The following ADAMTS8 variants were observed in gnomAD, a reference collection of about 807,000 sequenced individuals.
ADAMTS8 encodes A disintegrin and metalloproteinase with thrombospondin motifs 8.
In ADAMTS8, 50 loss-of-function variants were observed where a neutral mutation model predicts 64.4. That is an observed-to-expected ratio of 0.78 (90% CI 0.62 to 0.98). ADAMTS8 has a LOEUF of 0.98. ADAMTS8 is among the 50% of genes least tolerant of loss of function. ADAMTS8 has a pLI of 0.00. For synonymous variants in ADAMTS8, 556 were observed against 533.6 expected (o/e 1.04, Z -0.58); for missense variants, 1,192 against 1,208.2 (o/e 0.99, Z 0.20).
chr11:130,414,589 G>C lies in ADAMTS8; in HGVS notation c.1508C>G (p.Pro503Arg). 6.2e-7 allele frequency: 1 copy of C among 1,613,174 alleles called. No individual in the cohort carries two copies. Among genetic ancestry groups the C allele is most frequent in the Non-Finnish European group, 8.5e-7 (1 of 1,179,814 alleles). The change falls in exon 5 of 9, where the codon CCT becomes CGT. Residue 503 changes from proline to arginine, a missense_variant. Physicochemically the swap from Pro to Arg is moderately radical, Grantham distance 103. Coordinates refer to ENST00000257359, the MANE Select transcript of ADAMTS8 (RefSeq NM_007037.6). ...LPWADGTPCG[P>R]GHLCSEGSCL... is the part of the protein sequence containing the mutation. ...GCTGCCTTCTGAGCAGAGGTGCCCA[G>C]GCCCGCACGGCGTGCCGTCAGCCCA... is the stretch of plus-strand genomic sequence containing the variant.
chr11:130,418,267 ATC>A (rs1862053894), intron 2 of ADAMTS8, among the ~76,000 whole-genome samples: 1 of 141,728 alleles, frequency 7.1e-6, no homozygotes, highest in Non-Finnish European at 1.5e-5. Flanking sequence ...AGATCGGGAA[ATC>A]TCTGTCTGTC....
intron 6 of ADAMTS8, among the ~76,000 whole-genome samples, chr11:130,410,965 C>T (rs1305320629): frequency 6.6e-6 from 1 of 152,126 alleles, no homozygotes; most frequent in African/African-American, 2.4e-5. Context: ...GCTAGAAAGA[C>T]CTTGGAGGTT....
At chr11:130,414,460 G>A in intron 5 of ADAMTS8, 71 bp downstream of exon 5, 1 of 1,502,440 alleles carries the variant, frequency 6.7e-7, no homozygotes, top group Non-Finnish European at 8.9e-7. Flanking sequence ...CTGGAGAACA[G>A]CCCTCAGTCC....
rs1862036340 is a variant in ADAMTS8 at position 130,417,064 on chromosome 11, C to T, written c.972G>A (p.Gly324=). ...CCAGGGTGTCACACAGCCCCTCCTG[C>T]CCACAGAAGTTCTGCGTGGCGGGGA... ...AILLTRQNFC[G]QEGLCDTLGV... is the part of the protein sequence containing the mutation. The change falls in exon 3 of 9, where the codon GGG becomes GGA. Residue 324 remains glycine, a synonymous_variant. Coordinates refer to ENST00000257359, the MANE Select transcript of ADAMTS8 (RefSeq NM_007037.6). The T allele has an allele frequency of 6.2e-7, 1 of 1,613,774 alleles. No homozygotes were observed. The highest frequency in any genetic ancestry group is 1.3e-5 in the African/African-American group (1 of 74,880).
rs111717149 is a variant in ADAMTS8, at chr11:130,412,870, C to A, written c.1567-1270G>T. ...TCTTTCTACCTCTCTTTCTCTCTTT[C>A]TTTCTCACTTTCTTTCTTTCTTGAA... On this transcript the variant is annotated intron_variant, in intron 5 of 8. Transcript: ENST00000257359. Among the ~76,000 whole-genome samples the A allele has an allele frequency of 3.9e-5, 6 of 152,092 alleles. 1 individual carries two copies. Among genetic ancestry groups the A allele is most frequent in the African/African-American group, 1.4e-4 (6 of 41,490 alleles).
rs778562864 is a variant in ADAMTS8 at position 130,428,063 on chromosome 11, A to G, written c.224T>C (p.Leu75Pro). ...GCGCTCGATCTTGAACTCGGGCGCT[A>G]GGAAGCTGTCGTCGGGCGCCAGGCG... ...VLRLAPDDSF[L>P]APEFKIERLG... The change falls in exon 1 of 9, where the codon CTA becomes CCA. Residue 75 changes from leucine (L) to proline (P), a missense_variant. This residue lies in a region of ADAMTS8 where 741 missense variants were observed against 710.6 expected (regional missense o/e 1.04). Coordinates refer to ENST00000257359, the MANE Select transcript of ADAMTS8 (RefSeq NM_007037.6). 2 of 1,534,914 alleles carry G rather than the reference A, an allele frequency of 1.3e-6. No individual in the cohort carries two copies. Among genetic ancestry groups the G allele is most frequent in the African/African-American group, 2.8e-5 (2 of 71,192 alleles).
rs551054916 is a variant in ADAMTS8, at chr11:130,424,851, C to A, written c.720+2716G>T. On this transcript the variant is annotated intron_variant, in intron 1 of 8. Transcript: ENST00000257359. The stretch of plus-strand genomic sequence containing the variant: ...GCTGTACCTCAGTCCCTCCCCCACC[C>A]GCCACGGTGGCAGCAGGAGCACAGG... Among the ~76,000 whole-genome samples, 3 of 152,224 alleles carry A rather than the reference C, an allele frequency of 2.0e-5. No homozygotes were observed. The South Asian group carries it at 6.2e-4, about 32-fold the overall frequency.
chr11:130,420,795 T>C (rs1862089420), intron 1 of ADAMTS8, among the ~76,000 whole-genome samples: 1 of 152,156 alleles, frequency 6.6e-6, no homozygotes. Context: ...TCAACAAGGC[T>C]GAAACTTGGC....
In ADAMTS8 at chr11:130,411,841, G is replaced by A; in HGVS notation, c.1567-241C>T. The A allele has an allele frequency of 1.9e-6, 1 of 527,142 alleles. No individual in the cohort carries two copies. The highest frequency in any genetic ancestry group is 3.4e-6 in the Non-Finnish European group (1 of 297,470). The allele number at this position is 527,142 out of a possible 1,614,324, so 32.7% of individuals were successfully genotyped here. A position where few individuals can be genotyped will look rare whatever the true frequency, so the allele number is the denominator to read the frequency against. The stretch of plus-strand genomic sequence containing the variant: ...CTCAGTGTCTAAAACAGTGCCTTAT[G>A]CTTAGTAAGGTGCTCAATAGGCTAT... On this transcript the variant is annotated intron_variant, in intron 5 of 8. Coordinates refer to ENST00000257359, the MANE Select transcript of ADAMTS8 (RefSeq NM_007037.6). The surrounding 1 kb of genome is among the most constrained non-coding windows in gnomAD (Gnocchi z 4.2).
chr11:130,405,589 T>A lies in ADAMTS8; in HGVS notation c.2639A>T (p.Lys880Met), dbSNP rs1409082308. Residue 880 changes from lysine to methionine, a missense_variant, in exon 9 of 9, where the codon AAG becomes ATG. By Grantham distance (95) the Lys-to-Met change is moderately conservative. Coordinates refer to ENST00000257359, the MANE Select transcript of ADAMTS8 (RefSeq NM_007037.6). ...CNKALKPEDA[K>M]PCESQLCPL ...GGGGCACAGCTGGCTTTCGCAGGGC[T>A]TGGCATCCTCGGGTTTCAGAGCCTT... The A allele has an allele frequency of 6.2e-7, 1 of 1,609,410 alleles. No homozygotes were observed. The highest frequency in any genetic ancestry group is 8.5e-7 in the Non-Finnish European group (1 of 1,176,548).
Position 130,416,246 on chromosome 11 carries a change from G to A in ADAMTS8, c.1181C>T (p.Pro394Leu), listed in dbSNP as rs748679085. The A allele has an allele frequency of 3.1e-6, 5 of 1,588,110 alleles. No homozygotes were observed. The highest frequency in any genetic ancestry group is 3.6e-5 in the Admixed American group (2 of 56,148). ...CGTCTGGTTCAGGTGGACGAACAGCGGTGCCATCACGTGGTGCTTGCCCAT... is the reference window on the plus strand; with the variant it reads ...CGTCTGGTTCAGGTGGACGAACAGCAGTGCCATCACGTGGTGCTTGCCCAT... ...GPMGKHHVMA[P>L]LFVHLNQTLP... is the part of the protein sequence containing the mutation. The change falls in exon 4 of 9, where the codon CCG becomes CTG. Residue 394 changes from proline to leucine, a missense_variant. By Grantham distance (98) the Pro-to-Leu change is moderately conservative. Around this residue, in one of 5 missense-constraint regions of ADAMTS8, gnomAD observed 741 missense variants for 710.6 expected, o/e 1.04. Coordinates refer to ENST00000257359, the MANE Select transcript of ADAMTS8 (RefSeq NM_007037.6). This position sits in a 1 kb window ranked among gnomAD's most constrained non-coding sequence, Gnocchi z 4.8.
rs917335075 is a variant in ADAMTS8, at chr11:130,411,785, AGAC to A, written c.1567-188_1567-186del. 13 of 648,796 alleles carry A rather than the reference AGAC, an allele frequency of 2.0e-5. No individual in the cohort carries two copies. The Admixed American group carries it at 3.8e-4, about 19-fold the overall frequency. 40.2% of individuals were successfully genotyped at this position (648,796 alleles called of 1,614,324 possible). A position where few individuals can be genotyped will look rare whatever the true frequency, so the allele number is the denominator to read the frequency against. On this transcript the variant is annotated intron_variant, in intron 5 of 8. Coordinates refer to ENST00000257359, the MANE Select transcript of ADAMTS8 (RefSeq NM_007037.6). The surrounding 1 kb of genome is among the most constrained non-coding windows in gnomAD (Gnocchi z 4.2). ...GGCCTGCATGGCTTTGTGAGCACAG[AGAC>A]CAGGCTGGACTCATTCACTACTGAC...
chr11:130,417,148 G>A (rs1374840777), intron 2 of ADAMTS8, 73 bp from the exon 3 acceptor site: 10 of 1,591,934 alleles, frequency 6.3e-6, no homozygotes, highest in Middle Eastern at 2.0e-4. Flanking sequence ...GCAGGGCCGG[G>A]TGTGGCCAGC....
In ADAMTS8 at chr11:130,416,035, C is replaced by T. The variant is rs527484142; in HGVS notation, c.1264+128G>A. On this transcript the variant is annotated intron_variant, in intron 4 of 8. Transcript: ENST00000257359. This position sits in a 1 kb window ranked among gnomAD's most constrained non-coding sequence, Gnocchi z 4.8. ...TTCGGGGGTGGTGTGAATGCCCCAG[C>T]GTGGGAGGCTGGCCGGGGACTCAGC... 32 of 1,145,262 alleles carry T rather than the reference C, an allele frequency of 2.8e-5. No individual in the cohort carries two copies. The highest frequency in any genetic ancestry group is 1.0e-4 in the South Asian group (6 of 58,754). The allele number at this position is 1,145,262 out of a possible 1,614,324, so 70.9% of individuals were successfully genotyped here. A position where few individuals can be genotyped will look rare whatever the true frequency, so the allele number is the denominator to read the frequency against.
In ADAMTS8 at chr11:130,405,813, G is replaced by A. The variant is rs1267983691; in HGVS notation, c.2415C>T (p.Thr805=). ...GEVFPPKVKY[T]FFVPNDVDFS... Reference sequence around the variant, plus strand: ...AGTCCACGTCATTAGGAACAAAGAAGGTGTATTTGACTTTTGGGGGGAAGA... The same window carrying A: ...AGTCCACGTCATTAGGAACAAAGAAAGTGTATTTGACTTTTGGGGGGAAGA... Residue 805 remains threonine (T), a synonymous_variant, in exon 9 of 9, where the codon ACC becomes ACT. Coordinates refer to ENST00000257359, the MANE Select transcript of ADAMTS8 (RefSeq NM_007037.6). 1 of 1,614,048 alleles carries A rather than the reference G, an allele frequency of 6.2e-7. No homozygotes were observed. Among genetic ancestry groups the A allele is most frequent in the Admixed American group, 1.7e-5 (1 of 60,036 alleles).
chr11:130,414,708 G>T lies in ADAMTS8; in HGVS notation c.1389C>A (p.Cys463Ter). 1 of 1,613,868 alleles carries T rather than the reference G, an allele frequency of 6.2e-7. No homozygotes were observed. The highest frequency in any genetic ancestry group is 1.1e-5 in the South Asian group (1 of 91,086). The stretch of plus-strand genomic sequence containing the variant: ...AGACGTCCTGAGCAGAGGTGTTGGG[G>T]CAGTGGCGGAAATCCGGCCCAAAGA... The part of the protein sequence containing the change: ...RQIFGPDFRH[C>*]PNTSAQDVCA... The change falls in exon 5 of 9, where the codon TGC (cysteine) becomes TGA (stop). Residue 463 changes from cysteine (C) to a stop codon, truncating the protein, a stop_gained. Transcript: ENST00000257359. LOFTEE classifies it high-confidence loss of function.
At chr11:130,427,461 T>A in intron 1 of ADAMTS8, 106 bp downstream of exon 1, 1 of 1,084,770 alleles carries the variant, frequency 9.2e-7, no homozygotes, top group Non-Finnish European at 1.2e-6. Context: ...CTTTTTTTTT[T>A]TTTTTTTTTT....
chr11:130,425,005 G>A (rs1393534880), intron 1 of ADAMTS8, among the ~76,000 whole-genome samples: 1 of 152,150 alleles, frequency 6.6e-6, no homozygotes, highest in East Asian at 1.9e-4. Flanking sequence ...GGTGCCCGAT[G>A]CCTGTTTTGC....
chr11:130,425,369 TCA>T (rs1862150100), intron 1 of ADAMTS8, among the ~76,000 whole-genome samples: 1 of 152,078 alleles, frequency 6.6e-6, no homozygotes. Context: ...AGGCAAATAC[TCA>T]GTTATCTCCA....
Sources: allele counts gnomAD v4.1 joint callset (sites outside exome capture counted in the v4.1 genomes callset), GRCh38; gene constraint gnomAD v4.1.1; regional missense constraint gnomAD v4.1.1; non-coding constraint Gnocchi (gnomAD v3.1); transcripts MANE v1.5; gene names NCBI Gene and HGNC (gene_info 2026-07-23, HGNC 2026-07-21).